Variants in CCSER2 observed in about 807,000 individuals in gnomAD.
CCSER2 encodes serine-rich coiled-coil domain-containing protein 2.
Under a neutral mutation model 92.3 loss-of-function variants are expected in CCSER2, and 46 were observed. That is an observed-to-expected ratio of 0.50 (90% CI 0.39 to 0.64). The LOEUF (loss-of-function observed/expected upper bound fraction) is 0.64. Among genes scored for constraint, CCSER2 ranks in the 30% least tolerant of loss-of-function variants. The pLI is 0.00. For missense variants in CCSER2, 1,244 were observed against 1,238.9 expected (o/e 1.00, Z -0.06); for synonymous variants, 433 against 431.4 (o/e 1.00, Z -0.04).
At chr10:84,438,932 T>C (rs1004148536) in intron 6 of CCSER2, among the ~76,000 whole-genome samples, 7 of 152,228 alleles carry the variant, frequency 4.6e-5, no homozygotes, top group Non-Finnish European at 8.8e-5. Context: ...TTGTGTGATA[T>C]TTGGTAAGCC....
chr10:84,513,366 C>T (rs542965270), intron 9 of CCSER2, 83 bp from the exon 10 acceptor site: 1 of 1,070,826 alleles, frequency 9.3e-7, no homozygotes, highest in Non-Finnish European at 1.4e-6. Context: ...TAATAAGTAC[C>T]AACACAGCCT....
intron 9 of CCSER2, among the ~76,000 whole-genome samples, chr10:84,498,584 A>AT (rs1204469097): frequency 4.6e-5 from 7 of 152,070 alleles, no homozygotes; most frequent in Non-Finnish European, 1.0e-4. Flanking sequence ...AGTGAGAAAA[A>AT]TTTTTTTCAT....
intron 9 of CCSER2, among the ~76,000 whole-genome samples, chr10:84,488,608 C>G (rs907761790): frequency 6.6e-6 from 1 of 151,966 alleles, no homozygotes. Context: ...ATTTTAATTG[C>G]GTCTATTTGA....
chr10:84,401,997 C>G (rs754851408), intron 3 of CCSER2, among the ~76,000 whole-genome samples: 2 of 152,200 alleles, frequency 1.3e-5, no homozygotes, highest in Non-Finnish European at 2.9e-5. Flanking sequence ...GGACCATTCA[C>G]TTATTTGCTA....
intron 7 of CCSER2, 64 bp downstream of exon 7, chr10:84,464,080 A>G (rs1215977998): frequency 1.5e-5 from 12 of 797,010 alleles, no homozygotes; most frequent in Non-Finnish European, 2.1e-5. Flanking sequence ...TAATGATACA[A>G]TGACAATGAA....
intron 4 of CCSER2, among the ~76,000 whole-genome samples, chr10:84,423,874 T>C (rs1843280845): frequency 6.6e-6 from 1 of 151,278 alleles, no homozygotes; most frequent in Admixed American, 6.6e-5. Flanking sequence ...AGCCTGGGCA[T>C]GGTGATTCAT....
intron 1 of CCSER2, among the ~76,000 whole-genome samples, chr10:84,365,896 A>G (rs1845752847): frequency 6.6e-6 from 1 of 152,220 alleles, no homozygotes; most frequent in African/African-American, 2.4e-5. Context: ...TGTAATATCA[A>G]TACCAGTTTT....
intron 3 of CCSER2, among the ~76,000 whole-genome samples, chr10:84,396,185 CTGTGTGTGTGTG>C (rs11467455): frequency 6.4e-4 from 94 of 145,782 alleles, no homozygotes; most frequent in East Asian, 4.3e-3. Context: ...TTATTCAACA[CTGTGTGTGTGTG>C]TGTGTGTGTG....
chr10:84,351,660 A>G (rs1844866168), intron 1 of CCSER2, among the ~76,000 whole-genome samples: 1 of 152,236 alleles, frequency 6.6e-6, no homozygotes, highest in African/African-American at 2.4e-5. Flanking sequence ...ATGAGCCACC[A>G]TGCCTGGCCC....
rs185727998 is a variant in CCSER2, at chr10:84,367,601, A to G, written c.-39-3413A>G. Among the ~76,000 whole-genome samples the G allele has an allele frequency of 8.9e-4, 133 of 149,480 alleles. 1 individual carries two copies. The highest frequency in any genetic ancestry group is 3.1e-3 in the African/African-American group (125 of 40,574). On this transcript the variant is annotated intron_variant, in intron 1 of 9. Transcript: ENST00000372088. ...GCCATGTTGTCCAGGCTGGTCTCACACTCCTGGTCTCAAGTGATCAACCCA... is the reference window on the plus strand; with the variant it reads ...GCCATGTTGTCCAGGCTGGTCTCACGCTCCTGGTCTCAAGTGATCAACCCA...
intron 1 of CCSER2, among the ~76,000 whole-genome samples, chr10:84,335,074 G>A (rs1424736775): frequency 6.6e-6 from 1 of 152,062 alleles, no homozygotes; most frequent in African/African-American, 2.4e-5. Flanking sequence ...GAATAGAAAT[G>A]CAAGGCATGG....
At chr10:84,390,123 C>T (rs1358093555) in intron 3 of CCSER2, among the ~76,000 whole-genome samples, 1 of 152,110 alleles carries the variant, frequency 6.6e-6, no homozygotes, top group East Asian at 1.9e-4. Flanking sequence ...TTTATGTCCA[C>T]ATTATTTATA....
At chr10:84,478,783 T>C (rs1340620212) in intron 9 of CCSER2, among the ~76,000 whole-genome samples, 1 of 152,166 alleles carries the variant, frequency 6.6e-6, no homozygotes, top group Non-Finnish European at 1.5e-5. Context: ...GTTCAAAGGA[T>C]GTGGGAAAGT....
Position 84,354,264 on chromosome 10 carries a change from A to T in CCSER2, c.-39-16750A>T, listed in dbSNP as rs866891345. Among the ~76,000 whole-genome samples the T allele has an allele frequency of 1.9e-4, 25 of 134,756 alleles. No individual in the cohort carries two copies. In the South Asian group the frequency reaches 4.8e-3, roughly 26 times the overall value. The allele number at this position is 134,756 out of a possible 152,430, so 88.4% of individuals were successfully genotyped here. A position where few individuals can be genotyped will look rare whatever the true frequency, so the allele number is the denominator to read the frequency against. On this transcript the variant is annotated intron_variant, in intron 1 of 9. Transcript: ENST00000372088. ...GTCTCAAGTTACTTTTTTTTTTTTT[A>T]AATAGGGTTTGTTTGAAAGAATAGA...
intron 3 of CCSER2, among the ~76,000 whole-genome samples, chr10:84,395,110 G>A (rs896955431): frequency 6.6e-6 from 1 of 151,652 alleles, no homozygotes; most frequent in Non-Finnish European, 1.5e-5. Context: ...TGTGGTTCCA[G>A]CTACTTGGGA....
intron 9 of CCSER2, among the ~76,000 whole-genome samples, chr10:84,487,692 A>G (rs1052587041): frequency 7.9e-5 from 12 of 152,142 alleles, no homozygotes; most frequent in Admixed American, 4.6e-4. Flanking sequence ...GCAAACAGGG[A>G]CAATTTGACT....
At chr10:84,395,200 G>A (rs1276668416) in intron 3 of CCSER2, among the ~76,000 whole-genome samples, 1 of 150,282 alleles carries the variant, frequency 6.7e-6, no homozygotes, top group Non-Finnish European at 1.5e-5. Flanking sequence ...CTCCAGCCTG[G>A]GTGACAGAGT....
chr10:84,384,633 GAACCCTATATGATA>G (rs1051208584), intron 3 of CCSER2, among the ~76,000 whole-genome samples: 1 of 151,988 alleles, frequency 6.6e-6, no homozygotes, highest in Admixed American at 6.6e-5. Flanking sequence ...AAAATAATAA[GAACCCTATATGATA>G]AACCTGTAGC....
intron 7 of CCSER2, among the ~76,000 whole-genome samples, chr10:84,465,697 A>G (rs1305956407): frequency 6.6e-6 from 1 of 151,716 alleles, no homozygotes; most frequent in African/African-American, 2.4e-5. Context: ...ACTCTTTTCC[A>G]GTGTTCCTTT....
Sources: allele counts gnomAD v4.1 joint callset (sites outside exome capture counted in the v4.1 genomes callset), GRCh38; gene constraint gnomAD v4.1.1; transcripts MANE v1.5; gene names NCBI Gene and HGNC (gene_info 2026-07-23, HGNC 2026-07-21).